Variants in PRSS12 observed in about 807,000 individuals in gnomAD.
The protein encoded by PRSS12 is serine protease 12, also known as neurotrypsin.
In PRSS12, 85 loss-of-function variants were observed where a neutral mutation model predicts 104.4. That is an observed-to-expected ratio of 0.81 (90% CI 0.68 to 0.98). The LOEUF (loss-of-function observed/expected upper bound fraction) is 0.98. PRSS12 is among the 50% of genes least tolerant of loss of function. The probability of loss-of-function intolerance (pLI) is 0.00; values close to 1 mark genes in which losing one functional copy is unlikely to be tolerated. For synonymous variants in PRSS12, 454 were observed against 425.2 expected (o/e 1.07, Z -0.83); for missense variants, 1,141 against 1,139.2 (o/e 1.00, Z -0.02).
chr4:118,302,692 G>A (rs1056774356), intron 8 of PRSS12, among the ~76,000 whole-genome samples: 1 of 152,190 alleles, frequency 6.6e-6, no homozygotes, highest in African/African-American at 2.4e-5. Context: ...CTCCCAAAGT[G>A]CTGGGATTAC....
chr4:118,349,169 T>C (rs180936012), intron 1 of PRSS12, among the ~76,000 whole-genome samples: 2 of 152,326 alleles, frequency 1.3e-5, no homozygotes, highest in Non-Finnish European at 2.9e-5. Flanking sequence ...TATGTGACTC[T>C]GGCCAGCAGT....
chr4:118,338,040 A>T (rs1367821248), intron 2 of PRSS12, 136 bp downstream of exon 2: 6 of 1,138,244 alleles, frequency 5.3e-6, no homozygotes, highest in Non-Finnish European at 7.7e-6. Flanking sequence ...CTTTCTTTAT[A>T]GCTCTTTTGT....
intron 4 of PRSS12, among the ~76,000 whole-genome samples, chr4:118,324,620 A>G (rs1407547211): frequency 6.6e-6 from 1 of 152,116 alleles, no homozygotes; most frequent in Non-Finnish European, 1.5e-5. Context: ...AGAGAGTACA[A>G]GCCCCAAACA....
At position 118,352,640 on chromosome 4, in the gene PRSS12, A is replaced by C. The variant is rs777586682; in HGVS notation, c.81T>G (p.Asp27Glu). The stretch of plus-strand genomic sequence containing the variant: ...AATGGCGGTGGCTGTGGTGGAGGGA[A>C]TCATTGAGGACAGAATCAAAGCCGA... The part of the protein sequence containing the change: ...EVVGFDSVLN[D>E]SLHHSHRHSP... Residue 27 changes from aspartate (D) to glutamate (E), a missense_variant, in exon 1 of 13, where the codon GAT (aspartate) becomes GAG (glutamate). By Grantham distance (45) the Asp-to-Glu change is conservative. Transcript: ENST00000296498. The C allele has an allele frequency of 3.7e-6, 6 of 1,612,464 alleles. No homozygotes were observed. Among genetic ancestry groups the C allele is most frequent in the African/African-American group, 1.3e-5 (1 of 74,870 alleles).
At chr4:118,291,033 G>A (rs1032167667) in intron 11 of PRSS12, among the ~76,000 whole-genome samples, 2 of 151,696 alleles carry the variant, frequency 1.3e-5, no homozygotes, top group Non-Finnish European at 2.9e-5. Context: ...TTAATATAAT[G>A]TCAAGCCCAT....
At chr4:118,282,805 C>T in intron 12 of PRSS12, 26 bp downstream of exon 12, 2 of 1,613,492 alleles carry the variant, frequency 1.2e-6, no homozygotes, top group Non-Finnish European at 1.7e-6. Context: ...CAAAAAGGTG[C>T]CCTGCTTTTT....
At chr4:118,323,303 C>A (rs1560778659) in intron 4 of PRSS12, among the ~76,000 whole-genome samples, 1 of 151,222 alleles carries the variant, frequency 6.6e-6, no homozygotes, top group African/African-American at 2.4e-5. Context: ...TAAATGCCAC[C>A]AAAAAAAATC....
chr4:118,347,554 T>A (rs1017935323), intron 1 of PRSS12, among the ~76,000 whole-genome samples: 1 of 152,224 alleles, frequency 6.6e-6, no homozygotes, highest in African/African-American at 2.4e-5. Flanking sequence ...TATGGTTGGC[T>A]TGTAAAAAAG....
intron 11 of PRSS12, among the ~76,000 whole-genome samples, chr4:118,283,916 G>A (rs1742954451): frequency 6.6e-6 from 1 of 152,110 alleles, no homozygotes; most frequent in South Asian, 2.1e-4. Context: ...CTAAAATAGT[G>A]TTGTGCCATT....
chr4:118,296,429 A>G (rs1351492863), intron 9 of PRSS12, among the ~76,000 whole-genome samples: 1 of 152,234 alleles, frequency 6.6e-6, no homozygotes, highest in East Asian at 1.9e-4. Context: ...CTCCCAAGGT[A>G]ACAGACTTCT....
chr4:118,288,000 G>C (rs1295073276), intron 11 of PRSS12, among the ~76,000 whole-genome samples: 2 of 152,146 alleles, frequency 1.3e-5, no homozygotes, highest in African/African-American at 4.8e-5. Context: ...GTTTCTCTGA[G>C]ACTCTGAGGC....
chr4:118,309,939 C>T (rs954418564), intron 7 of PRSS12, among the ~76,000 whole-genome samples: 1 of 152,154 alleles, frequency 6.6e-6, no homozygotes, highest in Non-Finnish European at 1.5e-5. Context: ...GAGTTGTTGG[C>T]TCCCCAGTCT....
Position 118,282,941 on chromosome 4 carries a change from T to C in PRSS12, c.2210A>G (p.Glu737Gly). The change falls in exon 12 of 13, where the codon GAG becomes GGG. Residue 737 changes from glutamate (E) to glycine (G), a missense_variant. Glu to Gly is a moderately conservative substitution (Grantham distance 98). Transcript: ENST00000296498. ...ATGGCTGCTGAATCTGGCACATTGCTCTTCTGGTCCTTGTAATCTAACCAG... is the reference window on the plus strand; with the variant it reads ...ATGGCTGCTGAATCTGGCACATTGCCCTTCTGGTCCTTGTAATCTAACCAG... ...IALVRLQGPE[E>G]QCARFSSHVL... 6.2e-7 allele frequency: 1 copy of C among 1,614,212 alleles called. No homozygotes were observed. Among genetic ancestry groups the C allele is most frequent in the Non-Finnish European group, 8.5e-7 (1 of 1,180,052 alleles).
At chr4:118,346,992 CAG>C (rs910976330) in intron 1 of PRSS12, among the ~76,000 whole-genome samples, 98 of 151,424 alleles carry the variant, frequency 6.5e-4, no homozygotes, top group African/African-American at 2.4e-3. Context: ...CACACACACA[CAG>C]ACAGTGACCA....
chr4:118,319,860 G>C (rs1289153129), intron 4 of PRSS12, among the ~76,000 whole-genome samples: 1 of 151,958 alleles, frequency 6.6e-6, no homozygotes, highest in Non-Finnish European at 1.5e-5. Flanking sequence ...ATTTTTTGTA[G>C]AGATGGAGTC....
chr4:118,300,528 G>A (rs1182004492), intron 8 of PRSS12, among the ~76,000 whole-genome samples: 1 of 152,032 alleles, frequency 6.6e-6, no homozygotes, highest in African/African-American at 2.4e-5. Flanking sequence ...AAGCTTTCAA[G>A]CAAATTAATG....
intron 8 of PRSS12, among the ~76,000 whole-genome samples, chr4:118,305,489 A>T (rs549669484): frequency 2.0e-5 from 3 of 152,208 alleles, no homozygotes; most frequent in African/African-American, 7.2e-5. Context: ...AGGTATAATC[A>T]ATATAAAAAA....
intron 4 of PRSS12, 106 bp downstream of exon 4, chr4:118,331,610 C>T: frequency 6.9e-7 from 1 of 1,454,242 alleles, no homozygotes; most frequent in Non-Finnish European, 9.5e-7. Flanking sequence ...GTAACTTGTC[C>T]CATTTGTTCA....
chr4:118,296,978 T>C (rs1381246985), intron 9 of PRSS12, among the ~76,000 whole-genome samples: 1 of 152,202 alleles, frequency 6.6e-6, no homozygotes, highest in Non-Finnish European at 1.5e-5. Context: ...AGCAAAATTT[T>C]AAGTTTACAT....
Sources: allele counts gnomAD v4.1 joint callset (sites outside exome capture counted in the v4.1 genomes callset), GRCh38; gene constraint gnomAD v4.1.1; transcripts MANE v1.5; gene names NCBI Gene and HGNC (gene_info 2026-07-23, HGNC 2026-07-21).